The following TADA2A variants were observed in gnomAD, a reference collection of about 807,000 sequenced individuals.
TADA2A encodes the protein transcriptional adaptor 2A.
TADA2A carries 38 observed loss-of-function variants against 67.4 expected under a neutral mutation model. That is an observed-to-expected ratio of 0.56 (90% CI 0.44 to 0.74). TADA2A has a LOEUF of 0.74. Among genes scored for constraint, TADA2A ranks in the 30% least tolerant of loss-of-function variants. TADA2A has a pLI of 0.00. For missense variants in TADA2A, 454 were observed against 547.0 expected (o/e 0.83, Z 1.70); for synonymous variants, 192 against 181.6 (o/e 1.06, Z -0.46).
intron 8 of TADA2A, among the ~76,000 whole-genome samples, chr17:37,456,326 T>G (rs2053390535): frequency 6.6e-6 from 1 of 152,218 alleles, no homozygotes; most frequent in Non-Finnish European, 1.5e-5. Context: ...AATTACACCA[T>G]TACATTGTGC....
At chr17:37,410,029 A>G (rs549570242) in intron 1 of TADA2A, among the ~76,000 whole-genome samples, 4 of 151,982 alleles carry the variant, frequency 2.6e-5, no homozygotes, top group African/African-American at 7.2e-5. Context: ...TTAGCCAGGT[A>G]TGGTGGTGGC....
intron 8 of TADA2A, among the ~76,000 whole-genome samples, chr17:37,456,447 G>A (rs2053394096): frequency 6.6e-6 from 1 of 152,142 alleles, no homozygotes; most frequent in East Asian, 1.9e-4. Flanking sequence ...GAAGATGACA[G>A]GAGAGACAAG....
intron 4 of TADA2A, among the ~76,000 whole-genome samples, chr17:37,430,527 G>T (rs1158744707): frequency 6.6e-6 from 1 of 152,152 alleles, no homozygotes; most frequent in East Asian, 1.9e-4. Flanking sequence ...TTTTTGTCTT[G>T]TAATTCTTAG....
rs757652307 is a variant in TADA2A, at chr17:37,467,529, A to G, written c.895+4A>G. 3.1e-6 allele frequency: 5 copies of G among 1,611,354 alleles called. 1 individual carries two copies. Among genetic ancestry groups the G allele is most frequent in the Non-Finnish European group, 4.2e-6 (5 of 1,177,846 alleles). ...GCAGGCATTACCAATTTTTGTAGTAAGTATGCTTCAGCTACATACCGTACT... is the reference window on the plus strand; with the variant it reads ...GCAGGCATTACCAATTTTTGTAGTAGGTATGCTTCAGCTACATACCGTACT... On this transcript the variant is annotated splice_donor_region_variant and intron_variant, in intron 12 of 15. Coordinates refer to ENST00000615182, the MANE Select transcript of TADA2A (RefSeq NM_001166105.3).
At chr17:37,442,489 T>C in intron 6 of TADA2A, 75 bp from the exon 7 acceptor site, 1 of 1,113,650 alleles carries the variant, frequency 9.0e-7, no homozygotes, top group South Asian at 1.5e-5. Context: ...ATTTTATTTA[T>C]TCTTGGACTA....
chr17:37,462,428 A>T (rs558241465), intron 10 of TADA2A, among the ~76,000 whole-genome samples: 2 of 152,136 alleles, frequency 1.3e-5, no homozygotes, highest in Admixed American at 1.3e-4. Context: ...GGAGATCAAG[A>T]CCATCCTGGC....
At chr17:37,419,367 T>C (rs2052158366) in intron 2 of TADA2A, among the ~76,000 whole-genome samples, 1 of 144,378 alleles carries the variant, frequency 6.9e-6, no homozygotes, top group African/African-American at 2.5e-5. Context: ...AGAGACATGG[T>C]TTCACCATGT....
At chr17:37,407,125 C>T (rs1426833103) in intron 1 of TADA2A, 176 bp downstream of exon 1, 3 of 129,278 alleles carry the variant, frequency 2.3e-5, no homozygotes, top group Admixed American at 1.6e-4. Flanking sequence ...CGGGCAGCGG[C>T]GGGCCTCGCC....
chr17:37,458,524 C>T lies in TADA2A; in HGVS notation c.605C>T (p.Ala202Val), dbSNP rs745430985. The change falls in exon 9 of 16, where the codon GCT becomes GTT. Residue 202 changes from alanine (A) to valine (V), a missense_variant and splice_region_variant. By Grantham distance (64) the Ala-to-Val change is moderately conservative. Transcript: ENST00000615182. ...AGTATATGTATGAATTTATTTGTAGCTCTGAAGATGGCTGTGGTAGATATC... is the reference window on the plus strand; with the variant it reads ...AGTATATGTATGAATTTATTTGTAGTTCTGAAGATGGCTGTGGTAGATATC... ...FVEDDSDILH[A>V]LKMAVVDIYH... is the part of the protein sequence containing the mutation. 9.3e-6 allele frequency: 15 copies of T among 1,610,346 alleles called. No homozygotes were observed. The highest frequency in any genetic ancestry group is 1.3e-5 in the African/African-American group (1 of 74,772).
At chr17:37,459,859 A>G (rs2053502964) in intron 9 of TADA2A, among the ~76,000 whole-genome samples, 2 of 150,994 alleles carry the variant, frequency 1.3e-5, no homozygotes, top group African/African-American at 4.9e-5. Context: ...TGAGGTCAGG[A>G]GTTCAAGACC....
intron 8 of TADA2A, among the ~76,000 whole-genome samples, chr17:37,457,078 C>T (rs573401575): frequency 6.6e-6 from 1 of 152,236 alleles, no homozygotes; most frequent in African/African-American, 2.4e-5. Flanking sequence ...ACTGAAAACT[C>T]CTACTCTGGG....
chr17:37,462,721 T>C (rs935118035), intron 10 of TADA2A, among the ~76,000 whole-genome samples: 17 of 152,318 alleles, frequency 1.1e-4, no homozygotes, highest in Admixed American at 3.9e-4. Flanking sequence ...AAAATTTGTA[T>C]AGTAATTACA....
chr17:37,451,758 C>CAG (rs1362647716), intron 8 of TADA2A, among the ~76,000 whole-genome samples: 1 of 150,980 alleles, frequency 6.6e-6, no homozygotes, highest in African/African-American at 2.4e-5. Flanking sequence ...CCGAGACGGG[C>CAG]AGATCACCTG....
rs181739384 is a variant in TADA2A, at chr17:37,456,252, G to C, written c.605-2272G>C. ...CGTAATCAAGACAATAAATAGTCTT[G>C]TGTAACATGCAAGAGTTTGAACTGT... On this transcript the variant is annotated intron_variant, in intron 8 of 15. Coordinates refer to ENST00000615182, the MANE Select transcript of TADA2A (RefSeq NM_001166105.3). Among the ~76,000 whole-genome samples, 16 of 152,306 alleles carry C rather than the reference G, an allele frequency of 1.1e-4. No homozygotes were observed. The East Asian group carries it at 3.1e-3, about 29-fold the overall frequency.
At chr17:37,445,995 G>A in intron 8 of TADA2A, among the ~76,000 whole-genome samples, 1 of 151,536 alleles carries the variant, frequency 6.6e-6, no homozygotes, top group East Asian at 1.9e-4. Flanking sequence ...GAGCTGCCTG[G>A]ATATTTGTTA....
intron 4 of TADA2A, among the ~76,000 whole-genome samples, chr17:37,432,123 C>G (rs1261035062): frequency 6.6e-6 from 1 of 151,710 alleles, no homozygotes; most frequent in Non-Finnish European, 1.5e-5. Flanking sequence ...ACTGTATGTA[C>G]ACTTCTGTTG....
intron 7 of TADA2A, among the ~76,000 whole-genome samples, chr17:37,443,876 G>C (rs977464191): frequency 6.6e-6 from 1 of 152,164 alleles, no homozygotes; most frequent in African/African-American, 2.4e-5. Flanking sequence ...TCCTTGCTCA[G>C]CTATGGAATT....
intron 2 of TADA2A, among the ~76,000 whole-genome samples, chr17:37,412,067 C>T (rs1482884696): frequency 6.6e-6 from 1 of 151,614 alleles, no homozygotes; most frequent in East Asian, 2.0e-4. Flanking sequence ...AAAAATTAGC[C>T]AGGCATGGTG....
intron 8 of TADA2A, among the ~76,000 whole-genome samples, chr17:37,456,187 G>A (rs1011997537): frequency 1.3e-4 from 20 of 152,122 alleles, no homozygotes; most frequent in Admixed American, 1.1e-3. Context: ...GCAACAGAGC[G>A]AGACTCCATC....
Sources: gnomAD v4.1 joint callset for allele counts (sites outside exome capture counted in the v4.1 genomes callset) on GRCh38, gnomAD v4.1.1 for gene constraint, MANE v1.5 for transcripts, NCBI Gene and HGNC (gene_info 2026-07-23, HGNC 2026-07-21) for gene names.